ANTXR2: variants seen among roughly 807,000 people sequenced by gnomAD.
ANTXR2 encodes the protein anthrax toxin receptor 2.
In ANTXR2, 44 loss-of-function variants were observed where a neutral mutation model predicts 73.7. The observed-to-expected ratio is 0.60, with a 90% confidence interval of 0.47 to 0.77. The LOEUF (loss-of-function observed/expected upper bound fraction) is 0.77, where lower values mean the gene tolerates loss of function less well. Ranked by LOEUF, ANTXR2 falls within the 30% of genes least tolerant of loss-of-function variation. The pLI is 0.00. For missense variants in ANTXR2, 604 were observed against 592.5 expected (o/e 1.02, Z -0.20); for synonymous variants, 217 against 205.9 (o/e 1.05, Z -0.46).
intron 16 of ANTXR2, among the ~76,000 whole-genome samples, chr4:79,933,249 G>T (rs915250189): frequency 4.6e-5 from 7 of 152,156 alleles, no homozygotes; most frequent in Admixed American, 4.6e-4. Context: ...TATTTATATT[G>T]TATGGATTCA....
chr4:80,060,031 C>T (rs1253887127), intron 3 of ANTXR2, among the ~76,000 whole-genome samples: 2 of 152,092 alleles, frequency 1.3e-5, no homozygotes, highest in Non-Finnish European at 2.9e-5. Flanking sequence ...TTCCAATGCA[C>T]ATTGTCTTAA....
intron 16 of ANTXR2, among the ~76,000 whole-genome samples, chr4:79,911,084 C>T (rs188486027): frequency 1.8e-4 from 27 of 152,242 alleles, no homozygotes; most frequent in African/African-American, 6.0e-4. Context: ...TTAGTGATAA[C>T]GCTAATTATG....
chr4:79,911,031 A>G (rs1727112119), intron 16 of ANTXR2, among the ~76,000 whole-genome samples: 1 of 152,238 alleles, frequency 6.6e-6, no homozygotes, highest in Non-Finnish European at 1.5e-5. Context: ...ATCAGATAGC[A>G]TCGTCCTTCA....
intron 12 of ANTXR2, among the ~76,000 whole-genome samples, chr4:80,001,574 G>A (rs1342697055): frequency 6.6e-6 from 1 of 151,382 alleles, no homozygotes; most frequent in African/African-American, 2.4e-5. Flanking sequence ...TCCGCTTGGT[G>A]CAGAGCTGAG....
intron 3 of ANTXR2, among the ~76,000 whole-genome samples, chr4:80,068,089 G>A (rs756315294): frequency 2.0e-5 from 3 of 152,116 alleles, no homozygotes; most frequent in Admixed American, 6.6e-5. Context: ...TCCTCTCTAG[G>A]AAAAGGAAAA....
chr4:79,926,130 A>C (rs1727771157), intron 16 of ANTXR2, among the ~76,000 whole-genome samples: 1 of 152,164 alleles, frequency 6.6e-6, no homozygotes, highest in Non-Finnish European at 1.5e-5. Flanking sequence ...TTAATTGATT[A>C]GTTTATGTTC....
At chr4:79,954,777 C>A (rs1378218957) in intron 16 of ANTXR2, among the ~76,000 whole-genome samples, 2 of 151,822 alleles carry the variant, frequency 1.3e-5, no homozygotes, top group African/African-American at 2.4e-5. Flanking sequence ...GAAGCCAGAC[C>A]GGAGGGCAGA....
intron 16 of ANTXR2, 61 bp from the exon 17 acceptor site, chr4:79,907,528 A>ACAT: frequency 6.6e-7 from 1 of 1,509,466 alleles, no homozygotes; most frequent in African/African-American, 1.4e-5. Context: ...AAGCATGAGA[A>ACAT]CATCTAGTTT....
chr4:79,913,405 T>C (rs970180882), intron 16 of ANTXR2, among the ~76,000 whole-genome samples: 29 of 152,192 alleles, frequency 1.9e-4, no homozygotes, highest in African/African-American at 6.0e-4. Flanking sequence ...GGCTATCTAA[T>C]TGTTAAAAAT....
chr4:79,919,681 C>G (rs969856756), intron 16 of ANTXR2, among the ~76,000 whole-genome samples: 1 of 151,762 alleles, frequency 6.6e-6, no homozygotes, highest in Non-Finnish European at 1.5e-5. Flanking sequence ...TAAGGCTGCA[C>G]TGTCAGCTTC....
chr4:79,995,426 T>C (rs139452729), intron 12 of ANTXR2, among the ~76,000 whole-genome samples: 4 of 151,932 alleles, frequency 2.6e-5, no homozygotes, highest in African/African-American at 7.2e-5. Context: ...AACTAAAATA[T>C]TACTAGTCCC....
At position 79,943,749 on chromosome 4, in the gene ANTXR2, A is replaced by C. The variant is rs570103972; in HGVS notation, c.1428+33872T>G. 2.0e-4 allele frequency among the ~76,000 whole-genome samples: 30 copies of C among 151,492 alleles called. No individual in the cohort carries two copies. The East Asian group carries it at 5.2e-3, about 26-fold the overall frequency. ...TTAGAGTATAATAAAAAAAAAAATA[A>C]ATAAAAAATAAAACCCCCTAAGAAT... On this transcript the variant is annotated intron_variant, in intron 16 of 16. Coordinates refer to ENST00000403729, the MANE Select transcript of ANTXR2 (RefSeq NM_058172.6).
chr4:80,047,648 T>C (rs1317252281), intron 7 of ANTXR2, among the ~76,000 whole-genome samples: 4 of 151,734 alleles, frequency 2.6e-5, no homozygotes, highest in Admixed American at 2.0e-4. Flanking sequence ...TGGGACCCTA[T>C]ACACTGATGC....
At position 79,962,882 on chromosome 4, in the gene ANTXR2, A is replaced by G. The variant is rs1025739128; in HGVS notation, c.1428+14739T>C. Among the ~76,000 whole-genome samples, 3 of 152,302 alleles carry G rather than the reference A, an allele frequency of 2.0e-5. No individual in the cohort carries two copies. The East Asian group carries it at 5.8e-4, about 29-fold the overall frequency. On this transcript the variant is annotated intron_variant, in intron 16 of 16. Coordinates refer to ENST00000403729, the MANE Select transcript of ANTXR2 (RefSeq NM_058172.6). Reference sequence around the variant, plus strand: ...AGTAGCCCAGGCTATCAATATACATATATTTTAATGATTTTTTTTAAGAAT... The same window carrying G: ...AGTAGCCCAGGCTATCAATATACATGTATTTTAATGATTTTTTTTAAGAAT...
At chr4:79,920,774 C>T (rs1161767431) in intron 16 of ANTXR2, among the ~76,000 whole-genome samples, 9 of 152,094 alleles carry the variant, frequency 5.9e-5, no homozygotes, top group Non-Finnish European at 1.0e-4. Context: ...ACTAATTATA[C>T]AAAATTAACA....
chr4:80,019,787 T>C (rs1732067815), intron 10 of ANTXR2, among the ~76,000 whole-genome samples: 1 of 152,156 alleles, frequency 6.6e-6, no homozygotes, highest in African/African-American at 2.4e-5. Context: ...CCGACAAAGG[T>C]ACAAAGAAGA....
In ANTXR2 at chr4:79,984,838, G is replaced by T. The variant is rs771276711; in HGVS notation, c.1067C>A (p.Pro356His). 6.2e-6 allele frequency: 10 copies of T among 1,605,862 alleles called. No homozygotes were observed. The highest frequency in any genetic ancestry group is 2.2e-5 in the East Asian group (1 of 44,754). ...KVVIKDPPPP[P>H]APAPKEEEEE... ...ACTTACCTCTTTTGGTGCAGGGGCG[G>T]GTGGTGGTGGAGGATCCTTAATAAC... is the stretch of plus-strand genomic sequence containing the variant. The change falls in exon 13 of 17, where the codon CCC becomes CAC. Residue 356 changes from proline (P) to histidine (H), a missense_variant. Pro to His is a moderately conservative substitution (Grantham distance 77). Transcript: ENST00000403729.
chr4:80,061,373 A>G (rs1278886597), intron 3 of ANTXR2, among the ~76,000 whole-genome samples: 1 of 151,984 alleles, frequency 6.6e-6, no homozygotes, highest in African/African-American at 2.4e-5. Flanking sequence ...AGCCTCACAC[A>G]CTCATGTTGT....
At chr4:79,916,854 AC>A (rs1241580381) in intron 16 of ANTXR2, among the ~76,000 whole-genome samples, 2 of 152,194 alleles carry the variant, frequency 1.3e-5, no homozygotes, top group Admixed American at 1.3e-4. Context: ...AAAGAAAGAT[AC>A]ACTGGCATTA....
Sources: allele counts gnomAD v4.1 joint callset (sites outside exome capture counted in the v4.1 genomes callset), GRCh38; gene constraint gnomAD v4.1.1; transcripts MANE v1.5; gene names NCBI Gene and HGNC (gene_info 2026-07-23, HGNC 2026-07-21).